The following ZNF676 variants were observed in gnomAD, a reference collection of about 807,000 sequenced individuals.
ZNF676 encodes the protein zinc finger protein 676.
ZNF676 carries 4 observed loss-of-function variants against 6.0 expected under a neutral mutation model. The observed-to-expected ratio is 0.67, with a 90% CI of 0.33 to 1.53. The LOEUF (loss-of-function observed/expected upper bound fraction) is 1.53, where lower values mean the gene tolerates loss of function less well. ZNF676 is among the 40% of genes most tolerant of loss of function. The pLI is 0.06. For missense variants in ZNF676, 644 were observed against 679.7 expected (o/e 0.95, Z 0.58); for synonymous variants, 198 against 223.1 (o/e 0.89, Z 1.00).
Position 22,196,889 on chromosome 19 carries a change from T to C in ZNF676, c.-256A>G, listed in dbSNP as rs889503742. 1.0e-5 allele frequency: 7 copies of C among 689,094 alleles called. 1 individual carries two copies. The highest frequency in any genetic ancestry group is 9.0e-5 in the Admixed American group (3 of 33,224). The allele number at this position is 689,094 out of a possible 1,614,324, so 42.7% of individuals were successfully genotyped here. On this transcript the variant is annotated 5_prime_UTR_variant, in exon 1 of 3. Coordinates refer to ENST00000397121, the MANE Select transcript of ZNF676 (RefSeq NM_001001411.3). Reference sequence around the variant, plus strand: ...TTTTCAACACAGAAATGTTCACTAATGTATTCTCTAACTCTGAGAAAAGAA... The same window carrying C: ...TTTTCAACACAGAAATGTTCACTAACGTATTCTCTAACTCTGAGAAAAGAA...
rs2024032807 is a variant in ZNF676, at chr19:22,202,157, TGAG to T, written c.4-5434_4-5432del. On this transcript the variant is annotated intron_variant, in intron 1 of 3. Transcript: ENST00000650058. ...CTGAATATTTGTGGGCATTATAGCATGAGGAGGGAGGGAGAACTGGATTCTCAC... is the reference window on the plus strand; with the variant it reads ...CTGAATATTTGTGGGCATTATAGCATGAGGGAGGGAGAACTGGATTCTCAC... Among the ~76,000 whole-genome samples the T allele has an allele frequency of 2.6e-5, 4 of 152,236 alleles. No homozygotes were observed. In the South Asian group the frequency reaches 8.3e-4, roughly 32 times the overall value.
intron 2 of ZNF676, among the ~76,000 whole-genome samples, chr19:22,190,663 A>ATATATG (rs1568528878): frequency 2.1e-5 from 2 of 94,396 alleles, no homozygotes; most frequent in Non-Finnish European, 3.9e-5. Context: ...ATATATATAT[A>ATATATG]TACATACACA....
At chr19:22,241,867 T>C in the ZNF676 span, among the ~76,000 whole-genome samples, 2 of 151,842 alleles carry the variant, frequency 1.3e-5, no homozygotes, top group Non-Finnish European at 2.9e-5. Context: ...AACTGTAAGC[T>C]GCATCCATGT....
intron 1 of ZNF676, among the ~76,000 whole-genome samples, chr19:22,206,281 T>C (rs1487504853): frequency 6.6e-6 from 1 of 152,112 alleles, no homozygotes; most frequent in Non-Finnish European, 1.5e-5. Context: ...CCCCAACTCA[T>C]TATGTAAGAA....
the ZNF676 span, among the ~76,000 whole-genome samples, chr19:22,248,756 T>C: frequency 6.6e-6 from 1 of 152,124 alleles, no homozygotes; most frequent in South Asian, 2.1e-4. Flanking sequence ...TGAGATGGAG[T>C]TTCACTGTTG....
At chr19:22,240,155 A>G in the ZNF676 span, among the ~76,000 whole-genome samples, 82 of 152,350 alleles carry the variant, frequency 5.4e-4, 2 homozygotes, top group East Asian at 0.015. Flanking sequence ...AAGTAGAGTC[A>G]CATCATCTAC....
At chr19:22,182,817 A>G (rs74401663) in intron 2 of ZNF676, among the ~76,000 whole-genome samples, 2,084 of 152,168 alleles carry the variant, frequency 0.014, 22 homozygotes, top group Non-Finnish European at 0.023. Context: ...ATATAAAAAT[A>G]CATTATTTTC....
chr19:22,218,674 C>G (rs2024218371), upstream of ZNF676, among the ~76,000 whole-genome samples: 1 of 152,014 alleles, frequency 6.6e-6, no homozygotes, highest in Non-Finnish European at 1.5e-5. Context: ...CAATATGTGG[C>G]TTCCCAATTA....
the ZNF676 span, among the ~76,000 whole-genome samples, chr19:22,232,132 A>G: frequency 2.0e-5 from 3 of 152,094 alleles, no homozygotes; most frequent in Non-Finnish European, 4.4e-5. Context: ...AGAAACACAT[A>G]GAGAACAATA....
At chr19:22,184,331 T>C (rs369877788) in intron 2 of ZNF676, among the ~76,000 whole-genome samples, 6 of 152,256 alleles carry the variant, frequency 3.9e-5, no homozygotes, top group African/African-American at 1.2e-4. Flanking sequence ...CCAGCCCAGA[T>C]ACTGTGCTTT....
At chr19:22,250,048 G>A in the ZNF676 span, among the ~76,000 whole-genome samples, 4 of 152,002 alleles carry the variant, frequency 2.6e-5, no homozygotes, top group Non-Finnish European at 5.9e-5. Context: ...CAAGTGTGGT[G>A]GCACATGCTT....
the ZNF676 span, among the ~76,000 whole-genome samples, chr19:22,224,753 G>A: frequency 5.3e-5 from 8 of 152,138 alleles, no homozygotes; most frequent in East Asian, 1.9e-4. Context: ...CCAGAAATTC[G>A]AGAGGTCAAA....
the ZNF676 span, among the ~76,000 whole-genome samples, chr19:22,253,479 A>G: frequency 7.5e-6 from 1 of 133,024 alleles, no homozygotes; most frequent in Non-Finnish European, 1.6e-5. Flanking sequence ...TATATATGAT[A>G]ATTTGCATAT....
At chr19:22,214,127 G>A (rs1402945578) in intron 1 of ZNF676, among the ~76,000 whole-genome samples, 1 of 152,158 alleles carries the variant, frequency 6.6e-6, no homozygotes, top group Non-Finnish European at 1.5e-5. Flanking sequence ...AATGTCAGAA[G>A]GAACTGGAAA....
chr19:22,227,467 A>C, the ZNF676 span, among the ~76,000 whole-genome samples: 1 of 152,226 alleles, frequency 6.6e-6, no homozygotes, highest in Non-Finnish European at 1.5e-5. Flanking sequence ...AAGCAAGAGC[A>C]AACAAATTCA....
chr19:22,235,044 AGG>A, the ZNF676 span, among the ~76,000 whole-genome samples: 365 of 149,364 alleles, frequency 2.4e-3, 11 homozygotes, highest in African/African-American at 8.0e-3. Context: ...AAAGAAAAGA[AGG>A]AAGGCAGAAA....
In ZNF676 at chr19:22,193,022, G is replaced by T. The variant is rs2023927986; in HGVS notation, c.124C>A (p.Pro42Thr). 1 of 1,605,396 alleles carries T rather than the reference G, an allele frequency of 6.2e-7. No homozygotes were observed. The highest frequency in any genetic ancestry group is 1.1e-5 in the South Asian group (1 of 89,334). ...NMKRHEMVEE[P>T]PVICSHFSQE... ...TGTATTCACTCTCACCTACCTGGGG[G>T]TTCTTCCACCATCTCATGTCTCTTC... The change falls in exon 2 of 3, where the codon CCC (proline) becomes ACC (threonine). Residue 42 changes from proline to threonine, a missense_variant. By Grantham distance (38) the Pro-to-Thr change is conservative. Transcript: ENST00000397121.
At chr19:22,191,830 G>A (rs1356044632) in intron 2 of ZNF676, among the ~76,000 whole-genome samples, 1 of 151,944 alleles carries the variant, frequency 6.6e-6, no homozygotes, top group African/African-American at 2.4e-5. Context: ...TATCACCCTG[G>A]GGGCCCCAAA....
chr19:22,198,852 C>A (rs766952075), upstream of ZNF676, among the ~76,000 whole-genome samples: 4 of 152,006 alleles, frequency 2.6e-5, no homozygotes, highest in Admixed American at 2.6e-4. Flanking sequence ...GGTGTACTGT[C>A]CCTACCAAAT....
Sources: gnomAD v4.1 joint callset for allele counts (sites outside exome capture counted in the v4.1 genomes callset) on GRCh38, gnomAD v4.1.1 for gene constraint, MANE v1.5 for transcripts, NCBI Gene and HGNC (gene_info 2026-07-23, HGNC 2026-07-21) for gene names.